Variants in GNAI1 observed in about 807,000 individuals in gnomAD.
GNAI1 encodes the protein guanine nucleotide-binding protein G(i) subunit alpha-1.
GNAI1 carries 11 observed loss-of-function variants against 38.9 expected under a neutral mutation model. The ratio of observed to expected loss-of-function variants is 0.28; its 90% confidence interval spans 0.18 to 0.47. The LOEUF (loss-of-function observed/expected upper bound fraction) is 0.47, where lower values mean the gene tolerates loss of function less well. Among genes scored for constraint, GNAI1 ranks in the 20% least tolerant of loss-of-function variants. The pLI is 0.99. For missense variants in GNAI1, 317 were observed against 436.9 expected, an observed-to-expected ratio of 0.73 and a Z score of 2.45; for synonymous variants, 166 against 145.1, an observed-to-expected ratio of 1.14 and a Z score of -1.04.
Position 80,172,537 on chromosome 7 carries a change from A to T in GNAI1, c.119-16414A>T, listed in dbSNP as rs959489685. 3.3e-5 allele frequency among the ~76,000 whole-genome samples: 5 copies of T among 152,178 alleles called. No individual in the cohort carries two copies. In the South Asian group the frequency reaches 8.3e-4, roughly 25 times the overall value. ...TCTATTCAGCAATCTTTTGATGTAG[A>T]GTCATGACCTTTTTTTTCTTGAAGT... On this transcript the variant is annotated intron_variant, in intron 1 of 7. Coordinates refer to ENST00000649796, the MANE Select transcript of GNAI1 (RefSeq NM_002069.6).
intron 1 of GNAI1, among the ~76,000 whole-genome samples, chr7:80,150,929 A>G (rs1444110430): frequency 1.3e-5 from 2 of 152,012 alleles, no homozygotes. Context: ...TGTGCTTCCC[A>G]CCCTTCAGTC....
intron 1 of GNAI1, among the ~76,000 whole-genome samples, chr7:80,149,369 T>C (rs1268677251): frequency 3.3e-5 from 5 of 152,178 alleles, no homozygotes; most frequent in South Asian, 2.1e-4. Flanking sequence ...GCTTAAATTA[T>C]TGGGTTAAAA....
chr7:80,175,364 A>ATGTG (rs71518972), intron 1 of GNAI1, among the ~76,000 whole-genome samples: 20,582 of 150,422 alleles, frequency 0.14, 1,600 homozygotes, highest in South Asian at 0.22. Flanking sequence ...GTGTATATTT[A>ATGTG]TGTGTGTGTG....
intron 1 of GNAI1, among the ~76,000 whole-genome samples, chr7:80,164,396 T>G (rs1787979095): frequency 6.7e-6 from 1 of 149,684 alleles, no homozygotes; most frequent in Non-Finnish European, 1.5e-5. Flanking sequence ...GGAGTCTTGC[T>G]CTGTCGCCCA....
intron 1 of GNAI1, among the ~76,000 whole-genome samples, chr7:80,166,773 A>G (rs939507098): frequency 6.6e-6 from 1 of 152,200 alleles, no homozygotes; most frequent in Non-Finnish European, 1.5e-5. Flanking sequence ...TGGGGATGAA[A>G]TGTTACAAAT....
At chr7:80,140,800 G>A (rs1174408726) in intron 1 of GNAI1, among the ~76,000 whole-genome samples, 1 of 152,206 alleles carries the variant, frequency 6.6e-6, no homozygotes, top group African/African-American at 2.4e-5. Flanking sequence ...TCATACAGTT[G>A]TGGAGGTTAG....
At chr7:80,188,628 T>C (rs1788427297) in intron 1 of GNAI1, among the ~76,000 whole-genome samples, 1 of 152,204 alleles carries the variant, frequency 6.6e-6, no homozygotes, top group Admixed American at 6.5e-5. Flanking sequence ...AATGAACATA[T>C]ACATCATTTC....
At chr7:80,198,091 TTTAA>T (rs1360825793) in intron 3 of GNAI1, among the ~76,000 whole-genome samples, 2 of 151,962 alleles carry the variant, frequency 1.3e-5, no homozygotes, top group East Asian at 3.9e-4. Context: ...TTGTTTTTTT[TTTAA>T]TTGTGTTATT....
At position 80,222,382 on chromosome 7, in the gene GNAI1, ATT is replaced by A. The variant is rs67345654; in HGVS notation, c.*4907_*4908del. On this transcript the variant is annotated 3_prime_UTR_variant, in exon 8 of 8. Transcript: ENST00000649796. ...TGAAGGAGCTAGTTCTTCAAATTTA[ATT>A]TTTTTTTTTTTTTTTTTCCTGAGAC... is the stretch of plus-strand genomic sequence containing the variant. Among the ~76,000 whole-genome samples the A allele has an allele frequency of 2.9e-3, 375 of 127,858 alleles. 2 individuals carry two copies. The highest frequency in any genetic ancestry group is 8.3e-3 in the Middle Eastern group (2 of 242). The allele number at this position is 127,858 out of a possible 152,430, so 83.9% of individuals were successfully genotyped here. A position where few individuals can be genotyped will look rare whatever the true frequency, so the allele number is the denominator to read the frequency against.
At chr7:80,182,159 C>T (rs537398012) in intron 1 of GNAI1, among the ~76,000 whole-genome samples, 1 of 152,086 alleles carries the variant, frequency 6.6e-6, no homozygotes, top group Non-Finnish European at 1.5e-5. Context: ...CAGGTTTATC[C>T]ATACTATCAC....
At chr7:80,179,080 CA>C (rs1194768160) in intron 1 of GNAI1, among the ~76,000 whole-genome samples, 2 of 152,010 alleles carry the variant, frequency 1.3e-5, no homozygotes, top group African/African-American at 2.4e-5. Context: ...TGTAGAAATG[CA>C]AAACAGTGCT....
rs565825913 is a variant in GNAI1, at chr7:80,204,595, A to C, written c.590+763A>C. ...CGAAATATAATGTTTTCATTTGCAG[A>C]GTCTTGTTTTATCTATACAGCCTTC... On this transcript the variant is annotated intron_variant, in intron 5 of 7. Coordinates refer to ENST00000649796, the MANE Select transcript of GNAI1 (RefSeq NM_002069.6). Among the ~76,000 whole-genome samples the C allele has an allele frequency of 7.9e-5, 12 of 152,252 alleles. No homozygotes were observed. The South Asian group carries it at 2.5e-3, about 32-fold the overall frequency.
chr7:80,177,320 G>A (rs551846185), intron 1 of GNAI1, among the ~76,000 whole-genome samples: 8 of 152,148 alleles, frequency 5.3e-5, no homozygotes, highest in African/African-American at 1.4e-4. Flanking sequence ...ATGAGCCACC[G>A]CGCCCGGCCA....
At chr7:80,196,916 T>C (rs1202546570) in intron 3 of GNAI1, among the ~76,000 whole-genome samples, 1 of 151,980 alleles carries the variant, frequency 6.6e-6, no homozygotes, top group Non-Finnish European at 1.5e-5. Flanking sequence ...ATAGTTAATT[T>C]TTTTGACTAG....
intron 1 of GNAI1, among the ~76,000 whole-genome samples, chr7:80,176,587 C>G (rs1315608787): frequency 6.6e-6 from 1 of 152,178 alleles, no homozygotes; most frequent in Non-Finnish European, 1.5e-5. Context: ...CAGCTGGTGA[C>G]TGCTGAAGTC....
intron 1 of GNAI1, among the ~76,000 whole-genome samples, chr7:80,172,518 C>CATATAGAAT (rs1403034279): frequency 1.3e-5 from 2 of 152,114 alleles, no homozygotes. Flanking sequence ...TGCTTCTATT[C>CATATAGAAT]AGCAATCTTT....
chr7:80,135,696 G>A (rs1279288598), intron 1 of GNAI1: 1 of 393,450 alleles, frequency 2.5e-6, no homozygotes, highest in African/African-American at 2.9e-5. Flanking sequence ...CCTTCTTCGT[G>A]TGCGGTGTAG....
intron 1 of GNAI1, among the ~76,000 whole-genome samples, chr7:80,154,793 G>A (rs1337093123): frequency 6.6e-6 from 1 of 152,170 alleles, no homozygotes; most frequent in East Asian, 1.9e-4. Flanking sequence ...GCAAGAAGTT[G>A]GTTTTGATTA....
Position 80,139,782 on chromosome 7 carries a change from AT to A in GNAI1, c.118+4512del, listed in dbSNP as rs999203861. ...CTAAAATCAAATTGTTTGGTTTAAG[AT>A]TTTTTTTCATATTTATAAGAGCTTT... On this transcript the variant is annotated intron_variant, in intron 1 of 7. Coordinates refer to ENST00000649796, the MANE Select transcript of GNAI1 (RefSeq NM_002069.6). Among the ~76,000 whole-genome samples the A allele has an allele frequency of 3.3e-4, 50 of 152,040 alleles. 1 individual carries two copies. Among genetic ancestry groups the A allele is most frequent in the African/African-American group, 1.1e-3 (44 of 41,474 alleles).
Sources: allele counts gnomAD v4.1 joint callset (sites outside exome capture counted in the v4.1 genomes callset), GRCh38; gene constraint gnomAD v4.1.1; transcripts MANE v1.5; gene names NCBI Gene and HGNC (gene_info 2026-07-23, HGNC 2026-07-21).